The following ARHGAP42 variants were observed in gnomAD, a reference collection of about 807,000 sequenced individuals.
ARHGAP42 encodes Rho GTPase activating protein 42.
A neutral mutation model predicts 125.0 loss-of-function variants in ARHGAP42; 63 were observed. The ratio of observed to expected loss-of-function variants is 0.50; its 90% CI spans 0.41 to 0.62. ARHGAP42 has a LOEUF of 0.62. Among genes scored for constraint, ARHGAP42 ranks in the 20% least tolerant of loss-of-function variants. The pLI is 0.00. For synonymous variants in ARHGAP42, 339 were observed against 351.0 expected, an observed-to-expected ratio of 0.97 and a Z score of 0.38; for missense variants, 766 against 1,024.2, an observed-to-expected ratio of 0.75 and a Z score of 3.44.
chr11:100,941,695 G>T lies in ARHGAP42; in HGVS notation c.833-89G>T. The T allele has an allele frequency of 4.2e-6, 3 of 710,948 alleles. No individual in the cohort carries two copies. The East Asian group carries it at 8.8e-5, about 21-fold the overall frequency. The allele number at this position is 710,948 out of a possible 1,614,324, so 44.0% of individuals were successfully genotyped here. On this transcript the variant is annotated intron_variant, in intron 8 of 23. Coordinates refer to ENST00000298815, the MANE Select transcript of ARHGAP42 (RefSeq NM_152432.4). ...TAGCATGGTATAGGAGAGATAATCG[G>T]TTGTATATCATAGCACTGGAGAATG...
chr11:100,715,343 A>G (rs960457604), intron 1 of ARHGAP42, among the ~76,000 whole-genome samples: 2 of 152,062 alleles, frequency 1.3e-5, no homozygotes, highest in Admixed American at 6.6e-5. Flanking sequence ...ATGTCCTGCA[A>G]TGGTTTAACC....
At chr11:100,808,074 T>G (rs985267760) in intron 3 of ARHGAP42, among the ~76,000 whole-genome samples, 1 of 145,428 alleles carries the variant, frequency 6.9e-6, no homozygotes, top group Non-Finnish European at 1.5e-5. Context: ...GACAGAAAAA[T>G]AAACCTAAAT....
chr11:100,794,392 G>T (rs1863656209), intron 2 of ARHGAP42, among the ~76,000 whole-genome samples: 1 of 152,070 alleles, frequency 6.6e-6, no homozygotes, highest in Admixed American at 6.6e-5. Context: ...TAAAAGTAAA[G>T]CAATATAGGT....
chr11:100,907,364 G>C (rs623072), intron 4 of ARHGAP42, among the ~76,000 whole-genome samples: 1 of 152,126 alleles, frequency 6.6e-6, no homozygotes, highest in Non-Finnish European at 1.5e-5. Flanking sequence ...TTGTAAATGC[G>C]AATGTGAATC....
chr11:100,745,466 A>G (rs1395252013), intron 1 of ARHGAP42, among the ~76,000 whole-genome samples: 1 of 152,214 alleles, frequency 6.6e-6, no homozygotes, highest in Non-Finnish European at 1.5e-5. Flanking sequence ...CCTGACAAGA[A>G]TAAGTACACC....
chr11:100,735,255 A>G (rs1043039314), intron 1 of ARHGAP42, among the ~76,000 whole-genome samples: 13 of 152,184 alleles, frequency 8.5e-5, no homozygotes, highest in African/African-American at 2.9e-4. Flanking sequence ...GGAGTTTAAT[A>G]GTGAGCCAAT....
intron 1 of ARHGAP42, among the ~76,000 whole-genome samples, chr11:100,689,216 G>T (rs1437101321): frequency 1.3e-5 from 2 of 152,140 alleles, no homozygotes; most frequent in African/African-American, 4.8e-5. Flanking sequence ...ACTGTGATTT[G>T]TGAAAAATAT....
At chr11:100,848,306 T>C (rs1865119527) in intron 3 of ARHGAP42, among the ~76,000 whole-genome samples, 1 of 152,122 alleles carries the variant, frequency 6.6e-6, no homozygotes, top group African/African-American at 2.4e-5. Context: ...TAACTATTAA[T>C]ATACTTGAAT....
At chr11:100,695,449 G>A (rs548307555) in intron 1 of ARHGAP42, among the ~76,000 whole-genome samples, 19 of 152,078 alleles carry the variant, frequency 1.2e-4, no homozygotes, top group African/African-American at 4.3e-4. Flanking sequence ...GATTATAGGC[G>A]GCCATCATCA....
intron 1 of ARHGAP42, among the ~76,000 whole-genome samples, chr11:100,699,506 ATTTTTTTTTTTTTTTTTTT>A (rs869243290): frequency 3.2e-5 from 1 of 31,742 alleles, no homozygotes; most frequent in South Asian, 2.3e-3. Context: ...ATATATATAT[ATTTTTTTTTTTTTTTTTTT>A]TTTTTTTTTT....
At chr11:100,723,149 A>G (rs978321873) in intron 1 of ARHGAP42, among the ~76,000 whole-genome samples, 2 of 152,052 alleles carry the variant, frequency 1.3e-5, no homozygotes, top group Admixed American at 6.5e-5. Flanking sequence ...CTATTTTTCT[A>G]TTCTTTTACC....
At chr11:100,942,254 G>A (rs1867906154) in intron 9 of ARHGAP42, among the ~76,000 whole-genome samples, 1 of 152,126 alleles carries the variant, frequency 6.6e-6, no homozygotes, top group Non-Finnish European at 1.5e-5. Context: ...TCTTTCCCCT[G>A]AGTGGCCTCT....
chr11:100,964,739 C>G (rs1858046551), intron 16 of ARHGAP42, among the ~76,000 whole-genome samples: 1 of 152,190 alleles, frequency 6.6e-6, no homozygotes, highest in Non-Finnish European at 1.5e-5. Context: ...TGAGTTCTTA[C>G]ATTTTACATT....
chr11:100,759,435 C>T (rs1862653396), intron 1 of ARHGAP42, among the ~76,000 whole-genome samples: 1 of 152,106 alleles, frequency 6.6e-6, no homozygotes, highest in Non-Finnish European at 1.5e-5. Flanking sequence ...TCTGAATTCC[C>T]ACATTCAGTT....
At chr11:100,744,097 A>C (rs1862244760) in intron 1 of ARHGAP42, among the ~76,000 whole-genome samples, 1 of 152,162 alleles carries the variant, frequency 6.6e-6, no homozygotes, top group Admixed American at 6.5e-5. Context: ...CAGCCTCCCA[A>C]GTAGCTGGGA....
At chr11:100,722,946 A>G (rs1462088713) in intron 1 of ARHGAP42, among the ~76,000 whole-genome samples, 2 of 152,144 alleles carry the variant, frequency 1.3e-5, no homozygotes, top group South Asian at 4.1e-4. Context: ...TTACATTTAG[A>G]TCGGTGATCC....
At chr11:100,845,056 C>A (rs1440413666) in intron 3 of ARHGAP42, among the ~76,000 whole-genome samples, 2 of 151,562 alleles carry the variant, frequency 1.3e-5, no homozygotes, top group African/African-American at 4.9e-5. Flanking sequence ...TATCAATCAA[C>A]AAGTGGATAA....
intron 3 of ARHGAP42, among the ~76,000 whole-genome samples, chr11:100,846,389 A>G (rs552740402): frequency 4.1e-4 from 62 of 152,248 alleles, no homozygotes; most frequent in African/African-American, 1.3e-3. Context: ...ATGAATAGGA[A>G]AATGATGTTT....
intron 4 of ARHGAP42, among the ~76,000 whole-genome samples, chr11:100,908,996 T>G (rs1247718186): frequency 6.6e-6 from 1 of 152,152 alleles, no homozygotes; most frequent in Non-Finnish European, 1.5e-5. Flanking sequence ...CATTGAGCAT[T>G]TTTTTGTATG....
Sources: allele counts gnomAD v4.1 joint callset (sites outside exome capture counted in the v4.1 genomes callset), GRCh38; gene constraint gnomAD v4.1.1; transcripts MANE v1.5; gene names NCBI Gene and HGNC (gene_info 2026-07-23, HGNC 2026-07-21).